HLA-DQB1: variants seen among roughly 807,000 people sequenced by gnomAD.
The protein encoded by HLA-DQB1 is major histocompatibility complex, class II, DQ beta 1.
HLA-DQB1 carries 13 observed loss-of-function variants against 26.4 expected under a neutral mutation model. The ratio of observed to expected loss-of-function variants is 0.49; its 90% confidence interval spans 0.32 to 0.78. The LOEUF is 0.78. Among genes scored for constraint, HLA-DQB1 ranks in the 30% least tolerant of loss-of-function variants. HLA-DQB1 has a pLI of 0.03. For synonymous variants in HLA-DQB1, 60 were observed against 129.1 expected, an observed-to-expected ratio of 0.46 and a Z score of 3.63; for missense variants, 158 against 326.2, an observed-to-expected ratio of 0.48 and a Z score of 3.97.
At chr6:32,665,260 A>G (rs281861893) in intron 1 of HLA-DQB1, among the ~76,000 whole-genome samples, 193 bp from the exon 2 acceptor site, 1 of 122,096 alleles carries the variant, frequency 8.2e-6, no homozygotes, top group Non-Finnish European at 1.7e-5. Flanking sequence ...GGGCTTCTGG[A>G]ATCTGCCTTC....
chr6:32,666,322 C>T (rs281861010), intron 1 of HLA-DQB1, among the ~76,000 whole-genome samples, 177 bp downstream of exon 1: 1 of 151,040 alleles, frequency 6.6e-6, no homozygotes, highest in African/African-American at 2.4e-5. Flanking sequence ...TTGGATTGTC[C>T]TCATCTCATC....
intron 2 of HLA-DQB1, chr6:32,662,922 G>A (rs281863678): frequency 7.1e-6 from 1 of 140,398 alleles, no homozygotes; most frequent in Non-Finnish European, 1.6e-5. Context: ...TCTGAAATCA[G>A]ACATTATCGT....
chr6:32,665,254 T>G lies in HLA-DQB1; in HGVS notation c.110-187A>C, dbSNP rs281861898. 4.9e-5 allele frequency among the ~76,000 whole-genome samples: 6 copies of G among 121,814 alleles called. No individual in the cohort carries two copies. In the South Asian group the frequency reaches 1.0e-3, roughly 21 times the overall value. The allele number at this position is 121,814 out of a possible 152,430, so 79.9% of individuals were successfully genotyped here. ...AGCTCTGCCCGCCTTCTTTGCGGGC[T>G]TCTGGAATCTGCCTTCCTACATCCA... On this transcript the variant is annotated intron_variant, in intron 1 of 4. Coordinates refer to ENST00000434651, the Ensembl canonical transcript of HLA-DQB1.
chr6:32,666,610 C>T (rs1049055), exon 1 of HLA-DQB1: 583,312 of 909,870 alleles, frequency 0.64, 235,237 homozygotes, highest in South Asian at 0.87. Context: ...CAAGACATAA[C>T]TGAGACGAAG....
chr6:32,663,415 G>GAAAGTATGATTTTGTCC (rs9282143), intron 2 of HLA-DQB1: 1 of 126,710 alleles, frequency 7.9e-6, no homozygotes, highest in Non-Finnish European at 1.7e-5. Flanking sequence ...TTTCAATGCC[G>GAAAGTATGATTTTGTCC]CATTAACACA....
At chr6:32,664,720 G>T in intron 2 of HLA-DQB1, 78 bp downstream of exon 2, 2 of 418,020 alleles carry the variant, frequency 4.8e-6, no homozygotes, top group Non-Finnish European at 3.4e-6. Context: ...CAGAGACCTC[G>T]CCCCCATCGC....
chr6:32,660,308 C>T lies in HLA-DQB1; in HGVS notation c.773-59G>A, dbSNP rs1782862724. 4 of 895,456 alleles carry T rather than the reference C, an allele frequency of 4.5e-6. 1 individual carries two copies. The highest frequency in any genetic ancestry group is 3.5e-5 in the South Asian group (2 of 56,432). The allele number at this position is 895,456 out of a possible 1,614,324, so 55.5% of individuals were successfully genotyped here. A position where few individuals can be genotyped will look rare whatever the true frequency, so the allele number is the denominator to read the frequency against. On this transcript the variant is annotated intron_variant, in intron 4 of 4. Transcript: ENST00000434651. ...GGTATCCTGGTGGGCCTGCCATCTC[C>T]CCCACCCTTCAGGGGCCCCCTGCAG...
chr6:32,662,090 T>C (rs767317878), exon 3 of HLA-DQB1: 2 of 1,518,950 alleles, frequency 1.3e-6, no homozygotes, highest in South Asian at 2.3e-5. Context: ...CCATTCCTAA[T>C]AAGGGGGGTG....
chr6:32,664,592 G>A (rs141507870), intron 2 of HLA-DQB1: 10,625 of 287,174 alleles, frequency 0.037, 3,263 homozygotes, highest in South Asian at 0.24. Flanking sequence ...TAGGCAGCCT[G>A]GCCAACTCTG....
At chr6:32,666,603 G>T (rs772511655) in exon 1 of HLA-DQB1, 2 of 1,080,136 alleles carry the variant, frequency 1.9e-6, no homozygotes, top group Non-Finnish European at 2.7e-6. Context: ...CTTCTTCCAA[G>T]ACATAACTGA....
chr6:32,665,729 A>ATCCATATTGGG (rs375691953), intron 1 of HLA-DQB1, among the ~76,000 whole-genome samples: 24,851 of 138,614 alleles, frequency 0.18, 3,337 homozygotes, highest in African/African-American at 0.2. Flanking sequence ...AGGTTATGTA[A>ATCCATATTGGG]CAGAATATCC....
exon 5 of HLA-DQB1, chr6:32,660,014 G>A: frequency 3.1e-6 from 1 of 318,456 alleles, no homozygotes; most frequent in Non-Finnish European, 5.9e-6. Context: ...AGACGCAGCT[G>A]GCCATGCACA....
exon 5 of HLA-DQB1, chr6:32,659,750 C>A (rs1130451): frequency 0.26 from 27,137 of 103,416 alleles, 2,684 homozygotes; most frequent in South Asian, 0.32. Context: ...TACTTCACAC[C>A]CCAAAATGCT....
chr6:32,661,912 G>C, intron 3 of HLA-DQB1, 55 bp downstream of exon 3: 2 of 1,132,586 alleles, frequency 1.8e-6, no homozygotes, highest in Non-Finnish European at 2.4e-6. Context: ...GAATGGGTCA[G>C]AAGGAGCTCT....
At chr6:32,666,652 C>A in exon 1 of HLA-DQB1, 1 of 734,576 alleles carries the variant, frequency 1.4e-6, no homozygotes, top group Non-Finnish European at 2.3e-6. Context: ...ACAGCTCGGA[C>A]CTGATGGATC....
exon 1 of HLA-DQB1, chr6:32,666,523 G>T: frequency 9.3e-7 from 1 of 1,075,936 alleles, no homozygotes; most frequent in Non-Finnish European, 1.4e-6. Context: ...CCCTCAGCCA[G>T]TAGGGAGCTC....
chr6:32,665,409 A>C (rs9274439), intron 1 of HLA-DQB1, among the ~76,000 whole-genome samples: 28,627 of 132,892 alleles, frequency 0.22, 5,024 homozygotes, highest in South Asian at 0.25. Flanking sequence ...ATTTTTCATG[A>C]AGCTCCTGGA....
At chr6:32,664,654 C>A (rs281862203) in intron 2 of HLA-DQB1, 144 bp downstream of exon 2, 1 of 233,102 alleles carries the variant, frequency 4.3e-6, no homozygotes, top group Non-Finnish European at 7.0e-6. Flanking sequence ...CACCTGCCCC[C>A]ACCACCCCGC....
rs281862771 is a variant in HLA-DQB1 at position 32,663,951 on chromosome 6, G to C, written c.379+847C>G. 3.3e-5 allele frequency: 2 copies of C among 61,272 alleles called. 1 individual carries two copies. The highest frequency in any genetic ancestry group is 1.0e-4 in the African/African-American group (2 of 19,202). 3.8% of individuals were successfully genotyped at this position (61,272 alleles called of 1,614,324 possible). A position where few individuals can be genotyped will look rare whatever the true frequency, so the allele number is the denominator to read the frequency against. ...CATTCAAGCATTGTTTTTATTTTTAGCAAACACATTTTCCTCAGACTTTGT... is the reference window on the plus strand; with the variant it reads ...CATTCAAGCATTGTTTTTATTTTTACCAAACACATTTTCCTCAGACTTTGT... On this transcript the variant is annotated intron_variant, in intron 2 of 4. Transcript: ENST00000434651.
Sources: allele counts gnomAD v4.1 joint callset (sites outside exome capture counted in the v4.1 genomes callset), GRCh38; gene constraint gnomAD v4.1.1; transcripts MANE v1.5; gene names NCBI Gene and HGNC (gene_info 2026-07-23, HGNC 2026-07-21).